PIGZ: variants seen among roughly 807,000 people sequenced by gnomAD.
PIGZ encodes GPI alpha-1,2-mannosyltransferase 4.
Under a neutral mutation model 16.4 loss-of-function variants are expected in PIGZ, and 16 were observed. That is an observed-to-expected ratio of 0.97 (90% CI 0.66 to 1.48). PIGZ has a LOEUF of 1.48. PIGZ is among the 40% of genes most tolerant of loss of function. The probability of loss-of-function intolerance (pLI) is 0.00; values close to 1 mark genes in which losing one functional copy is unlikely to be tolerated. For missense variants in PIGZ, 770 were observed against 739.2 expected (o/e 1.04, Z -0.48); for synonymous variants, 409 against 338.4 (o/e 1.21, Z -2.29).
At chr3:196,951,797 T>C in intron 2 of PIGZ, 24 bp downstream of exon 2, 2 of 1,612,652 alleles carry the variant, frequency 1.2e-6, no homozygotes, top group Non-Finnish European at 8.5e-7. Context: ...GCAGCTTGTC[T>C]CAGCCACACA....
intron 1 of PIGZ, among the ~76,000 whole-genome samples, chr3:196,957,528 G>GCC (rs1717545841): frequency 6.6e-6 from 1 of 151,856 alleles, no homozygotes; most frequent in Admixed American, 6.6e-5. Context: ...GATTACAGGC[G>GCC]CATGCCACCA....
intron 1 of PIGZ, among the ~76,000 whole-genome samples, chr3:196,962,154 A>G (rs1480735979): frequency 1.3e-5 from 2 of 152,200 alleles, no homozygotes; most frequent in African/African-American, 2.4e-5. Flanking sequence ...TTGAAATGCT[A>G]TTAATCTGTA....
chr3:196,952,827 A>G (rs1356810531), intron 1 of PIGZ, among the ~76,000 whole-genome samples: 2 of 152,110 alleles, frequency 1.3e-5, no homozygotes, highest in African/African-American at 2.4e-5. Flanking sequence ...AATAAAACAG[A>G]AAGGTGGAGG....
chr3:196,951,667 C>T, intron 2 of PIGZ, 154 bp downstream of exon 2: 1 of 715,274 alleles, frequency 1.4e-6, no homozygotes, highest in Non-Finnish European at 2.4e-6. Flanking sequence ...GTCCCCACTT[C>T]CAAGTTCTTA....
intron 2 of PIGZ, 68 bp downstream of exon 2, chr3:196,951,751 CAA>C (rs1337538590): frequency 3.4e-6 from 5 of 1,487,818 alleles, no homozygotes; most frequent in Non-Finnish European, 4.6e-6. Flanking sequence ...TCCCTCCCCA[CAA>C]AGTCTCCCGT....
chr3:196,964,586 A>G (rs1473236073), intron 1 of PIGZ, among the ~76,000 whole-genome samples: 1 of 149,490 alleles, frequency 6.7e-6, no homozygotes. Context: ...TCAAACTCCT[A>G]CCTCATGACC....
intron 1 of PIGZ, among the ~76,000 whole-genome samples, chr3:196,968,050 T>G (rs1362302523): frequency 3.3e-5 from 5 of 152,238 alleles, no homozygotes; most frequent in Admixed American, 1.3e-4. Flanking sequence ...CCGGCCACAC[T>G]GTGAGTCCCA....
intron 1 of PIGZ, among the ~76,000 whole-genome samples, chr3:196,963,065 T>C (rs1717785768): frequency 6.6e-6 from 1 of 152,222 alleles, no homozygotes; most frequent in East Asian, 1.9e-4. Context: ...CTGGAGGCCT[T>C]TGTGGCTGGC....
chr3:196,952,201 A>C (rs967613827), intron 1 of PIGZ, among the ~76,000 whole-genome samples, 170 bp from the exon 2 acceptor site: 7 of 152,214 alleles, frequency 4.6e-5, no homozygotes, highest in Non-Finnish European at 1.0e-4. Flanking sequence ...TATTTCATTT[A>C]ATCCTTTCCA....
At position 196,963,318 on chromosome 3, in the gene PIGZ, G is replaced by A. The variant is rs78409378; in HGVS notation, c.-1+5369C>T. 4.9e-3 allele frequency among the ~76,000 whole-genome samples: 750 copies of A among 152,240 alleles called. 4 individuals are homozygous for A. The highest frequency in any genetic ancestry group is 0.017 in the African/African-American group (720 of 41,540). ...TGTCTTCATTTCTCTTGGTATATACGTAAAGTCCCTGCATCCTATGGTAAC... is the reference window on the plus strand; with the variant it reads ...TGTCTTCATTTCTCTTGGTATATACATAAAGTCCCTGCATCCTATGGTAAC... On this transcript the variant is annotated intron_variant, in intron 1 of 2. Transcript: ENST00000412723.
At chr3:196,964,694 T>C (rs549152018) in intron 1 of PIGZ, among the ~76,000 whole-genome samples, 1 of 152,184 alleles carries the variant, frequency 6.6e-6, no homozygotes, top group Non-Finnish European at 1.5e-5. Context: ...CCTTCCAGGC[T>C]TTGTACCTTA....
At chr3:196,953,231 T>G (rs1006622154) in intron 1 of PIGZ, among the ~76,000 whole-genome samples, 2 of 152,246 alleles carry the variant, frequency 1.3e-5, no homozygotes, top group African/African-American at 4.8e-5. Flanking sequence ...ATGTGACATT[T>G]GCAAGGAAGA....
At chr3:196,968,051 G>C (rs1291224314) in intron 1 of PIGZ, among the ~76,000 whole-genome samples, 1 of 152,218 alleles carries the variant, frequency 6.6e-6, no homozygotes, top group Admixed American at 6.5e-5. Context: ...CGGCCACACT[G>C]TGAGTCCCAC....
intron 2 of PIGZ, among the ~76,000 whole-genome samples, 183 bp from the exon 3 acceptor site, chr3:196,948,868 C>T (rs879706754): frequency 0.045 from 3,776 of 84,230 alleles, 517 homozygotes; most frequent in Middle Eastern, 0.064. Flanking sequence ...CCTTCCTTCC[C>T]TTCCTTCCTT....
chr3:196,960,166 C>A (rs1287731622), intron 1 of PIGZ, among the ~76,000 whole-genome samples: 1 of 152,180 alleles, frequency 6.6e-6, no homozygotes, highest in Non-Finnish European at 1.5e-5. Flanking sequence ...GTGGTCGCTC[C>A]TTTATGGAGT....
intron 1 of PIGZ, among the ~76,000 whole-genome samples, chr3:196,958,894 G>T (rs1445505134): frequency 6.6e-6 from 1 of 152,114 alleles, no homozygotes; most frequent in East Asian, 1.9e-4. Flanking sequence ...GTCATGATTT[G>T]GGGGAGGGGG....
In PIGZ at chr3:196,948,197, C is replaced by T; in HGVS notation, c.700G>A (p.Ala234Thr). The T allele has an allele frequency of 6.2e-7, 1 of 1,614,132 alleles. No individual in the cohort carries two copies. Residue 234 changes from alanine to threonine, a missense_variant, in exon 3 of 3, where the codon GCT becomes ACT. Transcript: ENST00000412723. ...CCCCAGAGGTAGAGGGGGACCACAG[C>T]AAAGGCCAGAAAGGTGGGCCGGTTG... Reference protein sequence around the residue: ...FFNRPTFLAFAVVPLYLWGTR... With the variant: ...FFNRPTFLAFTVVPLYLWGTR...
chr3:196,954,774 C>T (rs1189897907), intron 1 of PIGZ, among the ~76,000 whole-genome samples: 1 of 152,184 alleles, frequency 6.6e-6, no homozygotes, highest in Admixed American at 6.5e-5. Flanking sequence ...TAATTTCTTC[C>T]TCCACAAATG....
At position 196,947,237 on chromosome 3, in the gene PIGZ, G is replaced by A. The variant is rs780819526; in HGVS notation, c.1660C>T (p.Pro554Ser). The change falls in exon 3 of 3, where the codon CCA becomes TCA. Residue 554 changes from proline (P) to serine (S), a missense_variant. Physicochemically the swap from Pro to Ser is moderately conservative, Grantham distance 74. Transcript: ENST00000412723. ...CCACTCAGCAAGGAGGACAGGGCTGGTGGATCCTCCAGGGTCAGATGGGGA... is the reference window on the plus strand; with the variant it reads ...CCACTCAGCAAGGAGGACAGGGCTGATGGATCCTCCAGGGTCAGATGGGGA... ...LFPHLTLEDPPALSSLLSGAW... is the reference protein window; with the variant it reads ...LFPHLTLEDPSALSSLLSGAW... The A allele has an allele frequency of 2.5e-6, 4 of 1,611,496 alleles. No homozygotes were observed. The South Asian group carries it at 3.3e-5, about 13-fold the overall frequency.
Sources: allele counts gnomAD v4.1 joint callset (sites outside exome capture counted in the v4.1 genomes callset), GRCh38; gene constraint gnomAD v4.1.1; transcripts MANE v1.5; gene names NCBI Gene and HGNC (gene_info 2026-07-23, HGNC 2026-07-21).